Variants in ZC3H12B observed in about 807,000 individuals in gnomAD.
ZC3H12B encodes the protein probable ribonuclease ZC3H12B.
Under a neutral mutation model 43.9 loss-of-function variants are expected in ZC3H12B, and 7 were observed. That is an observed-to-expected ratio of 0.16 (90% CI 0.09 to 0.30). The LOEUF is 0.30. Among genes scored for constraint, ZC3H12B ranks in the 10% least tolerant of loss-of-function variants. The pLI, the probability that ZC3H12B is intolerant of heterozygous loss-of-function variation, is 1.00. For missense variants in ZC3H12B, 475 were observed against 670.2 expected (o/e 0.71, Z 3.22); for synonymous variants, 222 against 241.7 (o/e 0.92, Z 0.76).
the ZC3H12B span, among the ~76,000 whole-genome samples, chrX:65,347,964 A>G: frequency 9.0e-6 from 1 of 111,673 alleles, no homozygotes; most frequent in Non-Finnish European, 1.9e-5. Context: ...GGAAACCAAC[A>G]TTCTCAGCAA....
chrX:65,151,830 C>G, the ZC3H12B span, among the ~76,000 whole-genome samples: 1 of 111,636 alleles, frequency 9.0e-6, no homozygotes, highest in Admixed American at 9.5e-5. Flanking sequence ...CAAAAATCCT[C>G]AATAAAATAC....
the ZC3H12B span, among the ~76,000 whole-genome samples, chrX:65,332,146 A>G: frequency 9.1e-6 from 1 of 109,995 alleles, no homozygotes; most frequent in Non-Finnish European, 1.9e-5. Flanking sequence ...CCTCTTACAT[A>G]TTTCTCCCCT....
chrX:65,145,743 G>A, the ZC3H12B span, among the ~76,000 whole-genome samples: 1 of 111,439 alleles, frequency 9.0e-6, no homozygotes, highest in Non-Finnish European at 1.9e-5. Flanking sequence ...CATTTATGAA[G>A]CTTAGTTTTG....
chrX:65,453,714 G>T (rs749165775), intron 3 of ZC3H12B, among the ~76,000 whole-genome samples: 1 of 109,244 alleles, frequency 9.2e-6, no homozygotes, highest in Non-Finnish European at 1.9e-5. Flanking sequence ...AGGTGACAGA[G>T]TGAGACCATG....
intron 2 of ZC3H12B, among the ~76,000 whole-genome samples, chrX:65,380,203 G>C (rs2066416495): frequency 9.0e-6 from 1 of 111,259 alleles, no homozygotes; most frequent in South Asian, 3.8e-4. Context: ...AGGGCAGCCA[G>C]AGAGAAAGGT....
the ZC3H12B span, among the ~76,000 whole-genome samples, chrX:65,132,761 C>T: frequency 9.0e-6 from 1 of 111,190 alleles, no homozygotes. Flanking sequence ...GGGAAACAGG[C>T]CCTTGAAAAG....
At chrX:65,188,786 G>C in the ZC3H12B span, among the ~76,000 whole-genome samples, 5 of 86,546 alleles carry the variant, frequency 5.8e-5, no homozygotes, top group Non-Finnish European at 1.1e-4. Context: ...TTTTATATTA[G>C]TTCTAAAGTC....
the ZC3H12B span, among the ~76,000 whole-genome samples, chrX:65,174,953 T>A: frequency 9.2e-6 from 1 of 108,911 alleles, no homozygotes; most frequent in Non-Finnish European, 1.9e-5. Flanking sequence ...AAAAAAAAAC[T>A]CCTGCACCTA....
chrX:65,470,582 C>G (rs1421589594), intron 3 of ZC3H12B, among the ~76,000 whole-genome samples: 4 of 110,886 alleles, frequency 3.6e-5, no homozygotes, highest in Admixed American at 1.9e-4. Flanking sequence ...CCGCCCTCAC[C>G]CTTGGGGCTT....
At chrX:65,474,423 G>A (rs2067966107) in intron 3 of ZC3H12B, among the ~76,000 whole-genome samples, 1 of 110,212 alleles carries the variant, frequency 9.1e-6, no homozygotes, top group South Asian at 3.9e-4. Context: ...CTATTCATTA[G>A]CAAGCAATGG....
the ZC3H12B span, among the ~76,000 whole-genome samples, chrX:65,212,485 A>G: frequency 1.5e-5 from 1 of 68,333 alleles, no homozygotes; most frequent in African/African-American, 6.2e-5. Context: ...TAAATAATAT[A>G]TATTATATAA....
the ZC3H12B span, among the ~76,000 whole-genome samples, chrX:65,160,299 T>C: frequency 2.8e-4 from 31 of 111,906 alleles, no homozygotes; most frequent in African/African-American, 8.4e-4. Flanking sequence ...GGAGGATTCC[T>C]TCTTTTGTAT....
chrX:65,379,792 A>G (rs748998430), intron 2 of ZC3H12B, among the ~76,000 whole-genome samples: 1 of 112,673 alleles, frequency 8.9e-6, no homozygotes, highest in African/African-American at 3.2e-5. Context: ...AACAAGGCTC[A>G]AGAACTACGT....
chrX:65,458,350 G>A (rs550131561), intron 3 of ZC3H12B, among the ~76,000 whole-genome samples: 6 of 110,918 alleles, frequency 5.4e-5, no homozygotes, highest in Non-Finnish European at 9.4e-5. Context: ...AGCTCTGCAC[G>A]AAGCAGACCT....
At chrX:65,465,695 C>T (rs1266972417) in intron 3 of ZC3H12B, among the ~76,000 whole-genome samples, 1 of 110,625 alleles carries the variant, frequency 9.0e-6, no homozygotes, top group African/African-American at 3.3e-5. Flanking sequence ...TCCAATACTG[C>T]CTTATTTTGT....
chrX:65,155,909 T>G, the ZC3H12B span, among the ~76,000 whole-genome samples: 1 of 109,441 alleles, frequency 9.1e-6, no homozygotes, highest in Non-Finnish European at 1.9e-5. Context: ...TCTAGAAGAG[T>G]ATTTATAAGG....
chrX:65,095,918 C>G, the ZC3H12B span, among the ~76,000 whole-genome samples: 10 of 110,709 alleles, frequency 9.0e-5, no homozygotes, highest in African/African-American at 3.3e-4. Context: ...AACTTACAAC[C>G]ACATCACTAA....
At chrX:65,217,514 C>T in the ZC3H12B span, among the ~76,000 whole-genome samples, 4 of 111,828 alleles carry the variant, frequency 3.6e-5, no homozygotes, top group African/African-American at 9.8e-5. Context: ...ACTTCTCGGA[C>T]ATGGAATCTG....
chrX:65,293,435 A>C, the ZC3H12B span, among the ~76,000 whole-genome samples: 1 of 110,862 alleles, frequency 9.0e-6, no homozygotes, highest in Non-Finnish European at 1.9e-5. Context: ...GCAATGTGAC[A>C]AAATAAGTGT....
Sources: gnomAD v4.1 joint callset for allele counts (sites outside exome capture counted in the v4.1 genomes callset) on GRCh38, gnomAD v4.1.1 for gene constraint, MANE v1.5 for transcripts, NCBI Gene and HGNC (gene_info 2026-07-23, HGNC 2026-07-21) for gene names.